Variants in MSI2 observed in about 807,000 individuals in gnomAD.
The protein encoded by MSI2 is musashi RNA binding protein 2, also known as RNA-binding protein Musashi homolog 2.
A neutral mutation model predicts 45.6 loss-of-function variants in MSI2; 17 were observed. That is an observed-to-expected ratio of 0.37 (90% CI 0.26 to 0.56). The LOEUF (loss-of-function observed/expected upper bound fraction) is 0.56, where lower values mean the gene tolerates loss of function less well. Among genes scored for constraint, MSI2 ranks in the 20% least tolerant of loss-of-function variants. The pLI, the probability that MSI2 is intolerant of heterozygous loss-of-function variation, is 0.77. For missense variants in MSI2, 293 were observed against 444.2 expected, an observed-to-expected ratio of 0.66 and a Z score of 3.06; for synonymous variants, 156 against 158.2, an observed-to-expected ratio of 0.99 and a Z score of 0.11.
chr17:57,680,568 T>G lies in MSI2; in HGVS notation c.*1051T>G, dbSNP rs1244667541. The G allele has an allele frequency of 4.4e-6, 1 of 227,644 alleles. No homozygotes were observed. The highest frequency in any genetic ancestry group is 2.2e-5 in the African/African-American group (1 of 45,026). 14.1% of individuals were successfully genotyped at this position (227,644 alleles called of 1,614,324 possible). On this transcript the variant is annotated 3_prime_UTR_variant, in exon 14 of 14. Transcript: ENST00000284073. The stretch of plus-strand genomic sequence containing the variant: ...AGCTCCTTTGTCTGTGTGATAGACC[T>G]AAGAACTGTATTAGTGTTGTACCAG...
At chr17:57,361,074 G>A (rs374069149) in intron 5 of MSI2, among the ~76,000 whole-genome samples, 1 of 152,166 alleles carries the variant, frequency 6.6e-6, no homozygotes, top group Non-Finnish European at 1.5e-5. Flanking sequence ...TGAACTGAGT[G>A]GGGGGTATGT....
At chr17:57,686,503 G>A (rs1034825432), downstream of MSI2, among the ~76,000 whole-genome samples, 3 of 152,082 alleles carry the variant, frequency 2.0e-5, no homozygotes, top group Non-Finnish European at 2.9e-5. Flanking sequence ...AACAAAACCC[G>A]GTTACGTGCT....
rs150183642 is a variant in MSI2 at position 57,387,199 on chromosome 17, T to A, written c.313-14180T>A. Among the ~76,000 whole-genome samples, 1,441 of 152,360 alleles carry A rather than the reference T, an allele frequency of 9.5e-3. 19 individuals carry two copies. Among genetic ancestry groups the A allele is most frequent in the African/African-American group, 0.033 (1,370 of 41,578 alleles). On this transcript the variant is annotated intron_variant, in intron 5 of 13. Coordinates refer to ENST00000284073, the MANE Select transcript of MSI2 (RefSeq NM_138962.4). The stretch of plus-strand genomic sequence containing the variant: ...TTTCTTTTTCATTGTTTGGTTGGCC[T>A]AGTGCAAGTGTTTTAAATAGAACAG...
chr17:57,516,804 G>C (rs535725269), intron 6 of MSI2, among the ~76,000 whole-genome samples: 9 of 152,328 alleles, frequency 5.9e-5, no homozygotes, highest in African/African-American at 2.2e-4. Context: ...TGCGTAAGTG[G>C]AAATGGAGTG....
chr17:57,608,535 A>G (rs1179353969), intron 8 of MSI2: 1 of 152,482 alleles, frequency 6.6e-6, no homozygotes, highest in Non-Finnish European at 1.5e-5. Flanking sequence ...CACATTCAAC[A>G]GCTCTCTCTC....
intron 6 of MSI2, chr17:57,448,308 A>T (rs768699206): frequency 2.0e-5 from 3 of 152,234 alleles, no homozygotes; most frequent in Non-Finnish European, 4.4e-5. Flanking sequence ...AACAGCTTAG[A>T]TGCTCAGAGA....
Position 57,546,497 on chromosome 17 carries a change from A to G in MSI2, c.454+16773A>G, listed in dbSNP as rs1036166722. 2.0e-5 allele frequency among the ~76,000 whole-genome samples: 3 copies of G among 152,354 alleles called. No homozygotes were observed. In the South Asian group the frequency reaches 6.2e-4, roughly 32 times the overall value. On this transcript the variant is annotated intron_variant, in intron 7 of 13. Coordinates refer to ENST00000284073, the MANE Select transcript of MSI2 (RefSeq NM_138962.4). ...TTTAAAATGAGATAGGGTAAAAAAT[A>G]CACCAGAAAAATAGGGCTCTGGTGG...
At chr17:57,266,134 T>C (rs1907745883) in intron 5 of MSI2, 1 of 152,240 alleles carries the variant, frequency 6.6e-6, no homozygotes, top group African/African-American at 2.4e-5. Context: ...GAGATCTCAC[T>C]TCTTTAACCT....
At position 57,486,250 on chromosome 17, in the gene MSI2, C is replaced by T. The variant is rs570493508; in HGVS notation, c.406-43426C>T. On this transcript the variant is annotated intron_variant, in intron 6 of 13. Coordinates refer to ENST00000284073, the MANE Select transcript of MSI2 (RefSeq NM_138962.4). ...TCCCTCTAATCAACAGGTTCATAAG[C>T]GTTTGTCTGAGAACCAGAAATGAAT... Among the ~76,000 whole-genome samples the T allele has an allele frequency of 2.0e-3, 311 of 152,292 alleles. 1 individual carries two copies. Among genetic ancestry groups the T allele is most frequent in the African/African-American group, 7.1e-3 (296 of 41,554 alleles).
At chr17:57,329,319 TA>T (rs1914066243) in intron 5 of MSI2, among the ~76,000 whole-genome samples, 1 of 152,236 alleles carries the variant, frequency 6.6e-6, no homozygotes, top group African/African-American at 2.4e-5. Context: ...TAAAGACAAG[TA>T]AATAATTTTT....
chr17:57,687,712 T>G (rs1334238823), downstream of MSI2, among the ~76,000 whole-genome samples: 7 of 151,978 alleles, frequency 4.6e-5, no homozygotes, highest in Non-Finnish European at 8.8e-5. Flanking sequence ...GAAAGAAAGC[T>G]CTCCTGTTTT....
At chr17:57,355,864 T>C (rs1916374148) in intron 5 of MSI2, among the ~76,000 whole-genome samples, 1 of 152,234 alleles carries the variant, frequency 6.6e-6, no homozygotes, top group Non-Finnish European at 1.5e-5. Flanking sequence ...TAAAGTGGCA[T>C]TTAGATGACA....
intron 10 of MSI2, among the ~76,000 whole-genome samples, chr17:57,650,076 T>C (rs547392529): frequency 4.7e-4 from 71 of 152,322 alleles, no homozygotes; most frequent in African/African-American, 1.4e-3. Context: ...AGATTAAGGA[T>C]AATGGATTTC....
intron 11 of MSI2, among the ~76,000 whole-genome samples, chr17:57,653,245 G>C (rs1911316795): frequency 6.6e-6 from 1 of 152,192 alleles, no homozygotes; most frequent in African/African-American, 2.4e-5. Context: ...TCCGTTCCAT[G>C]CAAACTGGCA....
At chr17:57,526,523 A>T (rs566039818) in intron 6 of MSI2, among the ~76,000 whole-genome samples, 3 of 151,970 alleles carry the variant, frequency 2.0e-5, no homozygotes, top group African/African-American at 7.2e-5. Flanking sequence ...CTTGACTCAC[A>T]CAAGCCGCTT....
chr17:57,662,979 G>A (rs1422605662), intron 11 of MSI2, among the ~76,000 whole-genome samples: 1 of 152,256 alleles, frequency 6.6e-6, no homozygotes, highest in Non-Finnish European at 1.5e-5. Context: ...CCAATGCCCA[G>A]AAGAAACTAG....
At chr17:57,568,237 A>G (rs2087785365) in intron 7 of MSI2, among the ~76,000 whole-genome samples, 1 of 152,162 alleles carries the variant, frequency 6.6e-6, no homozygotes, top group Non-Finnish European at 1.5e-5. Context: ...AGAAAATGAA[A>G]GATGCTTTAG....
intron 11 of MSI2, among the ~76,000 whole-genome samples, chr17:57,674,013 A>T (rs1046053986): frequency 1.3e-5 from 2 of 150,646 alleles, no homozygotes; most frequent in African/African-American, 4.9e-5. Context: ...GCAGGAGGTG[A>T]GTGTGTGGGT....
chr17:57,447,830 T>C (rs927429469), intron 6 of MSI2, among the ~76,000 whole-genome samples: 1 of 152,132 alleles, frequency 6.6e-6, no homozygotes, highest in Non-Finnish European at 1.5e-5. Context: ...CACTGACAAT[T>C]TACTTCTGTC....
Sources: allele counts gnomAD v4.1 joint callset (sites outside exome capture counted in the v4.1 genomes callset), GRCh38; gene constraint gnomAD v4.1.1; transcripts MANE v1.5; gene names NCBI Gene and HGNC (gene_info 2026-07-23, HGNC 2026-07-21).